Variants in INKA2 observed in about 807,000 individuals in gnomAD.
INKA2 encodes inka box actin regulator 2, also known as PAK4-inhibitor INKA2.
INKA2 carries 3 observed loss-of-function variants against 9.8 expected under a neutral mutation model. The ratio of observed to expected loss-of-function variants is 0.31; its 90% CI spans 0.14 to 0.79. The LOEUF is 0.79. Among genes scored for constraint, INKA2 ranks in the 30% least tolerant of loss-of-function variants. INKA2 has a pLI of 0.62. For synonymous variants in INKA2, 147 were observed against 143.3 expected, an observed-to-expected ratio of 1.03 and a Z score of -0.18; for missense variants, 392 against 384.4, an observed-to-expected ratio of 1.02 and a Z score of -0.17.
chr1:111,743,916 T>C (rs936884427), upstream of INKA2, among the ~76,000 whole-genome samples: 10 of 152,222 alleles, frequency 6.6e-5, no homozygotes, highest in Admixed American at 2.6e-4. Flanking sequence ...ACCCTAGAGA[T>C]AAACACATGC....
At chr1:111,728,364 C>T (rs999926497) in intron 1 of INKA2, among the ~76,000 whole-genome samples, 1 of 152,056 alleles carries the variant, frequency 6.6e-6, no homozygotes, top group South Asian at 2.1e-4. Flanking sequence ...TTATATAGAC[C>T]GTATGAGGTT....
Position 111,755,591 on chromosome 1 carries a change from G to C in INKA2, n.124+110C>G, listed in dbSNP as rs957043296. The C allele has an allele frequency of 6.9e-6, 9 of 1,297,104 alleles. No homozygotes were observed. The Admixed American group carries it at 1.1e-4, about 16-fold the overall frequency. The allele number at this position is 1,297,104 out of a possible 1,614,324, so 80.3% of individuals were successfully genotyped here. A position where few individuals can be genotyped will look rare whatever the true frequency, so the allele number is the denominator to read the frequency against. On this transcript the variant is annotated intron_variant and non_coding_transcript_variant, in intron 1 of 1. Transcript: ENST00000444059. ...TCACAAAGAACGGCGAGAGGGCGGT[G>C]GCGCCGGGGGCACGGCTGGGCGGCT...
At position 111,723,557 on chromosome 1, in the gene INKA2, G is replaced by A. The variant is rs988681817; in HGVS notation, c.*3411C>T. On this transcript the variant is annotated 3_prime_UTR_variant, in exon 2 of 2. Coordinates refer to ENST00000357260, the MANE Select transcript of INKA2 (RefSeq NM_019099.5). The stretch of plus-strand genomic sequence containing the variant: ...CAGGGAAGTGGGGCAGGGTGGGGTG[G>A]GGCTACATGTCAGGGAGGATATTAA... 7.2e-5 allele frequency: 13 copies of A among 179,886 alleles called. No individual in the cohort carries two copies. Among genetic ancestry groups the A allele is most frequent in the Non-Finnish European group, 1.4e-4 (12 of 86,690 alleles). 11.1% of individuals were successfully genotyped at this position (179,886 alleles called of 1,614,324 possible).
At chr1:111,751,499 A>G (rs895081034) in intron 1 of INKA2, among the ~76,000 whole-genome samples, 2 of 152,238 alleles carry the variant, frequency 1.3e-5, no homozygotes, top group African/African-American at 4.8e-5. Flanking sequence ...CTTTGCTGTC[A>G]AATAGATCTG....
chr1:111,739,311 C>T lies in INKA2; in HGVS notation c.-69G>A. 1 of 1,596,344 alleles carries T rather than the reference C, an allele frequency of 6.3e-7. No individual in the cohort carries two copies. The highest frequency in any genetic ancestry group is 8.5e-7 in the Non-Finnish European group (1 of 1,171,506). ...GAAACCCCGGCCCCACTGGAAACTG[C>T]GCTCCGGGCCGGCTCCCCGCCCCTG... is the stretch of plus-strand genomic sequence containing the variant. On this transcript the variant is annotated 5_prime_UTR_variant, in exon 1 of 2. Coordinates refer to ENST00000357260, the MANE Select transcript of INKA2 (RefSeq NM_019099.5).
At chr1:111,755,455 C>T (rs781542682) in intron 1 of INKA2, 118 of 552,716 alleles carry the variant, frequency 2.1e-4, no homozygotes, top group Non-Finnish European at 3.5e-4. Context: ...AGAGGAGCAG[C>T]GAGTCAGGGT....
At chr1:111,745,539 C>G (rs549207751) in intron 1 of INKA2, 1 of 151,644 alleles carries the variant, frequency 6.6e-6, no homozygotes, top group African/African-American at 2.4e-5. Context: ...TGAGCTCAAG[C>G]AATCTGCTCA....
chr1:111,734,810 A>G (rs1390532456), intron 1 of INKA2, among the ~76,000 whole-genome samples: 2 of 152,204 alleles, frequency 1.3e-5, no homozygotes, highest in African/African-American at 2.4e-5. Flanking sequence ...CTTCCATGAC[A>G]TGAAGCTTTC....
chr1:111,727,683 C>T lies in INKA2; in HGVS notation c.179G>A (p.Gly60Glu). 1 of 1,612,838 alleles carries T rather than the reference C, an allele frequency of 6.2e-7. No homozygotes were observed. Among genetic ancestry groups the T allele is most frequent in the Non-Finnish European group, 8.5e-7 (1 of 1,179,304 alleles). Residue 60 changes from glycine (G) to glutamate (E), a missense_variant, in exon 2 of 2, where the codon GGG becomes GAG. Physicochemically the swap from Gly to Glu is moderately conservative, Grantham distance 98 (BLOSUM62 -2). Coordinates refer to ENST00000357260, the MANE Select transcript of INKA2 (RefSeq NM_019099.5). The part of the protein sequence containing the change: ...TALEQLEISG[G>E]GPVPGSPEGP... Reference sequence around the variant, plus strand: ...TTCAGGGCTGCCTGGCACAGGACCCCCTCCAGAGATCTCCAGCTGTTCCAG... The same window carrying T: ...TTCAGGGCTGCCTGGCACAGGACCCTCTCCAGAGATCTCCAGCTGTTCCAG...
At chr1:111,748,647 AT>A (rs1339852645) in intron 1 of INKA2, among the ~76,000 whole-genome samples, 1 of 152,052 alleles carries the variant, frequency 6.6e-6, no homozygotes, top group East Asian at 1.9e-4. Context: ...CTTCTTACCA[AT>A]CCTACCCTTG....
At position 111,725,181 on chromosome 1, in the gene INKA2, T is replaced by C. The variant is rs1662739818; in HGVS notation, c.*1787A>G. On this transcript the variant is annotated 3_prime_UTR_variant, in exon 2 of 2. Transcript: ENST00000357260. ...AGCAAGCAGAAGAGCCTTTTCTTACTATTTTGCCTCTCCAACTGGCTATTA... is the reference window on the plus strand; with the variant it reads ...AGCAAGCAGAAGAGCCTTTTCTTACCATTTTGCCTCTCCAACTGGCTATTA... 6.6e-6 allele frequency: 1 copy of C among 152,198 alleles called. No individual in the cohort carries two copies. 9.4% of individuals were successfully genotyped at this position (152,198 alleles called of 1,614,324 possible).
chr1:111,741,022 A>G (rs1321422976), upstream of INKA2, among the ~76,000 whole-genome samples: 3 of 120,984 alleles, frequency 2.5e-5, no homozygotes, highest in Non-Finnish European at 3.4e-5. Context: ...AAAAAAAGAC[A>G]GGGGAGAGGA....
intron 1 of INKA2, chr1:111,745,293 A>ATAT (rs1358304932): frequency 0.021 from 1,014 of 49,378 alleles, 77 homozygotes; most frequent in Middle Eastern, 0.056. Context: ...ATATATATAT[A>ATAT]TTTTTTTTTT....
chr1:111,744,135 C>G (rs1280874112), upstream of INKA2, among the ~76,000 whole-genome samples: 2 of 152,200 alleles, frequency 1.3e-5, no homozygotes, highest in African/African-American at 4.8e-5. Context: ...CTTTGTCCAC[C>G]TTAGACACAG....
chr1:111,723,071 G>C lies in INKA2; in HGVS notation c.*3897C>G. On this transcript the variant is annotated 3_prime_UTR_variant, in exon 2 of 2. Coordinates refer to ENST00000357260, the MANE Select transcript of INKA2 (RefSeq NM_019099.5). ...CTCTCAAATCTTAACTCCAAGTCTA[G>C]TGCTCATACCATGGTGCTGGCAGAA... 1.4e-6 allele frequency: 1 copy of C among 702,092 alleles called. No homozygotes were observed. The highest frequency in any genetic ancestry group is 2.6e-6 in the Non-Finnish European group (1 of 384,670). The allele number at this position is 702,092 out of a possible 1,614,324, so 43.5% of individuals were successfully genotyped here. A position where few individuals can be genotyped will look rare whatever the true frequency, so the allele number is the denominator to read the frequency against.
Position 111,727,515 on chromosome 1 carries a change from A to G in INKA2, c.347T>C (p.Leu116Ser). 6.2e-7 allele frequency: 1 copy of G among 1,614,184 alleles called. No individual in the cohort carries two copies. The highest frequency in any genetic ancestry group is 8.5e-7 in the Non-Finnish European group (1 of 1,180,016). ...PSHRSVCGRDLAPLPRTQPHQ... is the reference protein window; with the variant it reads ...PSHRSVCGRDSAPLPRTQPHQ... ...TGGCTGTGTCCTGGGCAAGGGGGCT[A>G]AATCCCTTCCACAGACACTCCTATG... Residue 116 changes from leucine to serine, a missense_variant, in exon 2 of 2, where the codon TTA (leucine) becomes TCA (serine). Leu to Ser is a moderately radical substitution (Grantham distance 145, BLOSUM62 -2). Coordinates refer to ENST00000357260, the MANE Select transcript of INKA2 (RefSeq NM_019099.5).
At chr1:111,740,443 T>TC (rs2101379974), upstream of INKA2, among the ~76,000 whole-genome samples, 1 of 152,142 alleles carries the variant, frequency 6.6e-6, no homozygotes, top group African/African-American at 2.4e-5. Flanking sequence ...CCAGCGCTGC[T>TC]CCCTCCCAGC....
At chr1:111,739,459 A>G (rs1030734749), upstream of INKA2, 19 of 1,406,404 alleles carry the variant, frequency 1.4e-5, no homozygotes, top group Admixed American at 3.0e-5. Flanking sequence ...GGGACAGCCA[A>G]TGAGAATTCA....
upstream of INKA2, chr1:111,739,528 G>T: frequency 1.0e-6 from 1 of 961,048 alleles, no homozygotes; most frequent in Non-Finnish European, 1.4e-6. Flanking sequence ...GGCGGCCGAG[G>T]CGGACCCTAC....
Sources: gnomAD v4.1 joint callset for allele counts (sites outside exome capture counted in the v4.1 genomes callset) on GRCh38, gnomAD v4.1.1 for gene constraint, MANE v1.5 for transcripts, NCBI Gene and HGNC (gene_info 2026-07-23, HGNC 2026-07-21) for gene names.